HAUS5: variants seen among roughly 807,000 people sequenced by gnomAD.
HAUS5 encodes HAUS augmin like complex subunit 5.
HAUS5 carries 67 observed loss-of-function variants against 94.1 expected under a neutral mutation model. The observed-to-expected ratio is 0.71, with a 90% confidence interval of 0.58 to 0.87. HAUS5 has a LOEUF of 0.87. Among genes scored for constraint, HAUS5 ranks in the 40% least tolerant of loss-of-function variants. HAUS5 has a pLI of 0.00. For synonymous variants in HAUS5, 339 were observed against 355.4 expected (o/e 0.95, Z 0.52); for missense variants, 739 against 825.6 (o/e 0.90, Z 1.29).
At position 35,624,630 on chromosome 19, in the gene HAUS5, T is replaced by A. The variant is rs185658682; in HGVS notation, c.*1637T>A. The A allele has an allele frequency of 2.1e-4, 32 of 152,214 alleles. No homozygotes were observed. Among genetic ancestry groups the A allele is most frequent in the Admixed American group, 5.9e-4 (9 of 15,272 alleles). The allele number at this position is 152,214 out of a possible 1,614,324, so 9.4% of individuals were successfully genotyped here. A position where few individuals can be genotyped will look rare whatever the true frequency, so the allele number is the denominator to read the frequency against. ...CACCATATCTGGCTAATATTTGTAT[T>A]TTTTGTAGAGTCGGAGCTTTACCAT... On this transcript the variant is annotated 3_prime_UTR_variant, in exon 19 of 19. Transcript: ENST00000203166.
chr19:35,613,578 A>C (rs1202706492), intron 1 of HAUS5, 152 bp from the exon 2 acceptor site: 3 of 615,514 alleles, frequency 4.9e-6, no homozygotes, highest in East Asian at 5.6e-5. Flanking sequence ...CTTAAAAAAA[A>C]AAAAAAAAAA....
chr19:35,624,679 C>G lies in HAUS5; in HGVS notation c.*1686C>G, dbSNP rs1255458730. The G allele has an allele frequency of 6.6e-6, 1 of 152,136 alleles. No homozygotes were observed. The highest frequency in any genetic ancestry group is 1.5e-5 in the Non-Finnish European group (1 of 68,028). 9.4% of individuals were successfully genotyped at this position (152,136 alleles called of 1,614,324 possible). A position where few individuals can be genotyped will look rare whatever the true frequency, so the allele number is the denominator to read the frequency against. Reference sequence around the variant, plus strand: ...ATGTTGGTCAGGCTGCTCTCCAACTCCTGGCCTCAAGTGATTCTATCGCCT... The same window carrying G: ...ATGTTGGTCAGGCTGCTCTCCAACTGCTGGCCTCAAGTGATTCTATCGCCT... On this transcript the variant is annotated 3_prime_UTR_variant, in exon 19 of 19. Coordinates refer to ENST00000203166, the MANE Select transcript of HAUS5 (RefSeq NM_015302.2).
rs370787544 is a variant in HAUS5 at position 35,617,287 on chromosome 19, C to T, written c.556C>T (p.Arg186Cys). The change falls in exon 8 of 19, where the codon CGT (arginine) becomes TGT (cysteine). Residue 186 changes from arginine (R) to cysteine (C), a missense_variant and splice_region_variant. Physicochemically the swap from Arg to Cys is radical, Grantham distance 180. Transcript: ENST00000203166. ...AALGLEPVVL[R>C]DVRTACTLRA... is the part of the protein sequence containing the mutation. ...GGTCCCTTCCTCCTCTTCTCCCTAG[C>T]GTGATGTCCGAACAGCCTGCACCCT... is the stretch of plus-strand genomic sequence containing the variant. The T allele has an allele frequency of 7.4e-6, 12 of 1,613,228 alleles. No individual in the cohort carries two copies. The highest frequency in any genetic ancestry group is 5.0e-5 in the Admixed American group (3 of 60,004).
At chr19:35,615,409 C>T in intron 6 of HAUS5, 23 bp downstream of exon 6, 1 of 1,575,356 alleles carries the variant, frequency 6.3e-7, no homozygotes, top group South Asian at 1.1e-5. Flanking sequence ...GACCCACCCT[C>T]ACCAGGCTGG....
chr19:35,620,581 A>C (rs1258064649), intron 17 of HAUS5, among the ~76,000 whole-genome samples: 1 of 152,224 alleles, frequency 6.6e-6, no homozygotes, highest in East Asian at 1.9e-4. Context: ...ATTTGAATCC[A>C]GGTGGTCTGA....
chr19:35,618,985 G>A lies in HAUS5; in HGVS notation c.1115G>A (p.Arg372Gln), dbSNP rs780865271. 2.0e-5 allele frequency: 32 copies of A among 1,612,850 alleles called. No homozygotes were observed. Among genetic ancestry groups the A allele is most frequent in the Middle Eastern group, 1.7e-4 (1 of 6,054 alleles). The change falls in exon 13 of 19, where the codon CGG becomes CAG. Residue 372 changes from arginine to glutamine, a missense_variant. Physicochemically the swap from Arg to Gln is conservative, Grantham distance 43. Transcript: ENST00000203166. ...SQELQDAAGH[R>Q]QLLLRELQAK... ...GAGCTGCAGGATGCAGCTGGGCATC[G>A]GCAGCTCCTGCTGAGGGAGCTACAG...
intron 4 of HAUS5, 105 bp from the exon 5 acceptor site, chr19:35,614,937 C>A: frequency 2.7e-6 from 2 of 744,342 alleles, no homozygotes; most frequent in Non-Finnish European, 2.2e-6. Context: ...ACAGAAACTG[C>A]TGAGCAAAAA....
intron 4 of HAUS5, 130 bp downstream of exon 4, chr19:35,614,189 C>T: frequency 3.7e-6 from 3 of 820,030 alleles, no homozygotes; most frequent in Admixed American, 2.0e-5. Flanking sequence ...TCTCCATCCT[C>T]ATAGGGCTTA....
At chr19:35,614,238 T>C (rs925806993) in intron 4 of HAUS5, 179 bp downstream of exon 4, 1 of 656,304 alleles carries the variant, frequency 1.5e-6, no homozygotes, top group Non-Finnish European at 2.7e-6. Flanking sequence ...CCAGGTGCAG[T>C]GGCTCACACC....
At chr19:35,615,012 A>G (rs1197913412) in intron 4 of HAUS5, 30 bp from the exon 5 acceptor site, 1 of 1,525,668 alleles carries the variant, frequency 6.6e-7, no homozygotes, top group East Asian at 2.4e-5. Flanking sequence ...CCCCGATCAG[A>G]CCATCTGACC....
In HAUS5 at chr19:35,617,847, C is replaced by T; in HGVS notation, c.639-8C>T. ...TAACGTTCTCTGTCCGCTTACCCAA[C>T]CCCACAGAACCCCTCATGATGACCA... On this transcript the variant is annotated splice_region_variant and splice_polypyrimidine_tract_variant and intron_variant, in intron 8 of 18. Transcript: ENST00000203166. The T allele has an allele frequency of 6.2e-7, 1 of 1,613,492 alleles. No individual in the cohort carries two copies. Among genetic ancestry groups the T allele is most frequent in the Non-Finnish European group, 8.5e-7 (1 of 1,179,446 alleles).
In HAUS5 at chr19:35,618,091, C is replaced by G. The variant is rs747760698; in HGVS notation, c.717C>G (p.Pro239=). 3.1e-6 allele frequency: 5 copies of G among 1,601,288 alleles called. No individual in the cohort carries two copies. In the Admixed American group the frequency reaches 5.1e-5, roughly 16 times the overall value. The part of the protein sequence containing the change: ...SSVETLLTNH[P]PGHVLAALEH... The stretch of plus-strand genomic sequence containing the variant: ...CCTAGACGCTGCTGACAAACCACCC[C>G]CCAGGCCACGTCCTGGCTGCCTTGG... The change falls in exon 10 of 19, where the codon CCC becomes CCG. Residue 239 remains proline (P), a synonymous_variant. Transcript: ENST00000203166.
chr19:35,617,445 C>T (rs1267204850), intron 8 of HAUS5, 76 bp downstream of exon 8: 2 of 946,124 alleles, frequency 2.1e-6, no homozygotes, highest in East Asian at 2.4e-5. Flanking sequence ...ATTAATTCCT[C>T]AGACACTGAG....
chr19:35,617,837 G>T lies in HAUS5; in HGVS notation c.639-18G>T. On this transcript the variant is annotated intron_variant, in intron 8 of 18. Transcript: ENST00000203166. The stretch of plus-strand genomic sequence containing the variant: ...ACGTGTCTTGTAACGTTCTCTGTCC[G>T]CTTACCCAACCCCACAGAACCCCTC... 6.2e-7 allele frequency: 1 copy of T among 1,612,394 alleles called. No homozygotes were observed.
Position 35,618,994 on chromosome 19 carries a change from T to C in HAUS5, c.1124T>C (p.Leu375Pro). Residue 375 changes from leucine to proline, a missense_variant, in exon 13 of 19, where the codon CTG (leucine) becomes CCG (proline). Physicochemically the swap from Leu to Pro is moderately conservative, Grantham distance 98. Transcript: ENST00000203166. The part of the protein sequence containing the change: ...LQDAAGHRQL[L>P]LRELQAKQQR... Reference sequence around the variant, plus strand: ...GATGCAGCTGGGCATCGGCAGCTCCTGCTGAGGGAGCTACAGGCCAAACAG... The same window carrying C: ...GATGCAGCTGGGCATCGGCAGCTCCCGCTGAGGGAGCTACAGGCCAAACAG... The C allele has an allele frequency of 6.2e-7, 1 of 1,612,568 alleles. No individual in the cohort carries two copies. Among genetic ancestry groups the C allele is most frequent in the Non-Finnish European group, 8.5e-7 (1 of 1,179,536 alleles).
Position 35,619,444 on chromosome 19 carries a change from C to T in HAUS5, c.1200C>T (p.Val400=). 2 of 1,603,772 alleles carry T rather than the reference C, an allele frequency of 1.2e-6. No individual in the cohort carries two copies. The highest frequency in any genetic ancestry group is 1.7e-6 in the Non-Finnish European group (2 of 1,174,468). Residue 400 remains valine (V), a synonymous_variant, in exon 14 of 19, where the codon GTC becomes GTT. Transcript: ENST00000203166. ...CTCAGGAGGAGACCCAGGAACAGGT[C>T]CGCCTGCTCATCAAGGGAAACTCGG... ...RQLVEETQEQ[V]RLLIKGNSAS... is the part of the protein sequence containing the mutation.
rs1796933896 is a variant in HAUS5, at chr19:35,623,263, C to T, written c.*270C>T. The T allele has an allele frequency of 5.0e-6, 2 of 401,296 alleles. No homozygotes were observed. Among genetic ancestry groups the T allele is most frequent in the Non-Finnish European group, 8.9e-6 (2 of 223,660 alleles). The allele number at this position is 401,296 out of a possible 1,614,324, so 24.9% of individuals were successfully genotyped here. A position where few individuals can be genotyped will look rare whatever the true frequency, so the allele number is the denominator to read the frequency against. On this transcript the variant is annotated 3_prime_UTR_variant, in exon 19 of 19. Transcript: ENST00000203166. ...TCCTCTAGGCGCTGGGGAGTCCACA[C>T]TGAACAAAAGAAACAGAAAACCCTG...
At chr19:35,615,422 G>A (rs966136116) in intron 6 of HAUS5, 36 bp downstream of exon 6, 1 of 1,545,746 alleles carries the variant, frequency 6.5e-7, no homozygotes, top group Non-Finnish European at 8.8e-7. Flanking sequence ...CAGGCTGGGT[G>A]GCCAGACATT....
intron 13 of HAUS5, 55 bp from the exon 14 acceptor site, chr19:35,619,369 C>T: frequency 1.4e-6 from 2 of 1,383,564 alleles, no homozygotes; most frequent in African/African-American, 1.4e-5. Context: ...AGCAGAGAGG[C>T]ACACTGAGGC....
Sources: allele counts gnomAD v4.1 joint callset (sites outside exome capture counted in the v4.1 genomes callset), GRCh38; gene constraint gnomAD v4.1.1; transcripts MANE v1.5; gene names NCBI Gene and HGNC (gene_info 2026-07-23, HGNC 2026-07-21).